Variants in MOK observed in about 807,000 individuals in gnomAD.
The protein encoded by MOK is MOK protein kinase.
In MOK, 59 loss-of-function variants were observed where a neutral mutation model predicts 54.2. That is an observed-to-expected ratio of 1.09 (90% CI 0.88 to 1.35). The LOEUF is 1.35. MOK is among the 40% of genes most tolerant of loss of function. The probability of loss-of-function intolerance (pLI) is 0.00; values close to 1 mark genes in which losing one functional copy is unlikely to be tolerated. For missense variants in MOK, 517 were observed against 526.2 expected (o/e 0.98, Z 0.17); for synonymous variants, 210 against 202.7 (o/e 1.04, Z -0.31).
chr14:102,262,710 T>C (rs2067577580), intron 4 of MOK, among the ~76,000 whole-genome samples: 1 of 152,240 alleles, frequency 6.6e-6, no homozygotes, highest in Non-Finnish European at 1.5e-5. Context: ...CATCTTCAGT[T>C]TGGCTCAAAT....
At chr14:102,286,356 T>C (rs2070095510) in intron 1 of MOK, among the ~76,000 whole-genome samples, 1 of 138,490 alleles carries the variant, frequency 7.2e-6, no homozygotes, top group Non-Finnish European at 1.5e-5. Flanking sequence ...GCGCAGTGGC[T>C]CACGCCTGTA....
chr14:102,294,973 C>G (rs1388908043), intron 1 of MOK, among the ~76,000 whole-genome samples: 1 of 152,084 alleles, frequency 6.6e-6, no homozygotes, highest in Non-Finnish European at 1.5e-5. Context: ...GGGTATAAAA[C>G]AAGGATAAGA....
chr14:102,293,080 C>A (rs1007822620), intron 1 of MOK, among the ~76,000 whole-genome samples: 3 of 152,134 alleles, frequency 2.0e-5, no homozygotes, highest in African/African-American at 7.2e-5. Context: ...TTGCAGTGAG[C>A]GGAGATTGTG....
rs964849571 is a variant in MOK, at chr14:102,242,026, C to T, written c.591-8237G>A. 4.3e-4 allele frequency among the ~76,000 whole-genome samples: 66 copies of T among 152,350 alleles called. No homozygotes were observed. In the Middle Eastern group the frequency reaches 0.014, roughly 31 times the overall value. ...CTGTCCAACTCGCCCAGCAGCCACTCCCAGAGTCCCTGGAACTCTGGCCCA... is the reference window on the plus strand; with the variant it reads ...CTGTCCAACTCGCCCAGCAGCCACTTCCAGAGTCCCTGGAACTCTGGCCCA... On this transcript the variant is annotated intron_variant, in intron 7 of 11. Coordinates refer to ENST00000361847, the MANE Select transcript of MOK (RefSeq NM_014226.3).
chr14:102,223,023 CGGCTCACTCTGCGGCGCCGTGCT>C, downstream of MOK: 1 of 984,658 alleles, frequency 1.0e-6, no homozygotes, highest in East Asian at 2.6e-5. Context: ...GGACGGTGAC[CGGCTCACTCTGCGGCGCCGTGCT>C]CCCGCTGCTC....
rs1025137174 is a variant in MOK at position 102,232,287 on chromosome 14, A to G, written c.866+248T>C. The G allele has an allele frequency of 1.3e-5, 6 of 449,132 alleles. No individual in the cohort carries two copies. The highest frequency in any genetic ancestry group is 4.0e-5 in the African/African-American group (2 of 50,440). 27.8% of individuals were successfully genotyped at this position (449,132 alleles called of 1,614,324 possible). On this transcript the variant is annotated intron_variant, in intron 9 of 11. Coordinates refer to ENST00000361847, the MANE Select transcript of MOK (RefSeq NM_014226.3). The surrounding 1 kb of genome is among the most constrained non-coding windows in gnomAD (Gnocchi z 5.1). The stretch of plus-strand genomic sequence containing the variant: ...ATTACTACCTGTAGCCTTGGCATCA[A>G]CCGCAAAGTGGACAGCCAGCCCCTC...
chr14:102,250,608 C>T (rs1024995910), intron 7 of MOK, among the ~76,000 whole-genome samples: 3 of 152,186 alleles, frequency 2.0e-5, no homozygotes, highest in Non-Finnish European at 4.4e-5. Context: ...AGGGCTGGTG[C>T]TCTTCTCTGG....
intron 1 of MOK, among the ~76,000 whole-genome samples, chr14:102,285,082 CAAAAAAAAA>C (rs34015643): frequency 1.5e-5 from 1 of 65,980 alleles, no homozygotes; most frequent in Non-Finnish European, 3.4e-5. Flanking sequence ...GATGTCATCT[CAAAAAAAAA>C]AAAAAAAAAG....
intron 2 of MOK, among the ~76,000 whole-genome samples, chr14:102,269,462 C>T (rs1034705528): frequency 2.7e-5 from 4 of 148,754 alleles, no homozygotes; most frequent in African/African-American, 9.9e-5. Context: ...TGAGCCACCA[C>T]AACCAGCTTT....
downstream of MOK, chr14:102,223,251 G>A (rs1337145966): frequency 1.3e-5 from 2 of 154,432 alleles, no homozygotes; most frequent in Admixed American, 1.3e-4. Flanking sequence ...CTGTTATAGT[G>A]CTTCACTGTT....
At chr14:102,224,358 A>C (rs1597199851), downstream of MOK, 1 of 345,748 alleles carries the variant, frequency 2.9e-6, no homozygotes, top group East Asian at 7.8e-5. Flanking sequence ...GATTTTTCTT[A>C]CTTGGTTGAA....
intron 7 of MOK, among the ~76,000 whole-genome samples, chr14:102,241,443 G>GA (rs1304446865): frequency 1.3e-5 from 2 of 152,206 alleles, no homozygotes; most frequent in African/African-American, 4.8e-5. Flanking sequence ...GAGGTGGCTG[G>GA]AGCCGAAGGC....
At chr14:102,224,143 G>C (rs35051837), downstream of MOK, among the ~76,000 whole-genome samples, 1 of 148,750 alleles carries the variant, frequency 6.7e-6, no homozygotes, top group Non-Finnish European at 1.5e-5. Context: ...CCGGGTTCAC[G>C]CCATTCTCCC....
chr14:102,282,183 G>C (rs1325121030), intron 2 of MOK, among the ~76,000 whole-genome samples: 1 of 152,058 alleles, frequency 6.6e-6, no homozygotes, highest in African/African-American at 2.4e-5. Flanking sequence ...GAGGCAGAAG[G>C]ATCACTTGAG....
intron 7 of MOK, among the ~76,000 whole-genome samples, chr14:102,246,511 A>G (rs531870119): frequency 4.0e-5 from 6 of 151,150 alleles, no homozygotes; most frequent in Admixed American, 1.3e-4. Context: ...TTACTAAAAA[A>G]CTCCAATTCC....
At chr14:102,254,009 A>G (rs1257574431) in intron 4 of MOK, among the ~76,000 whole-genome samples, 2 of 151,346 alleles carry the variant, frequency 1.3e-5, no homozygotes, top group Non-Finnish European at 2.9e-5. Context: ...TTTTGGGACG[A>G]AGTGTAGCAC....
downstream of MOK, among the ~76,000 whole-genome samples, chr14:102,224,019 TCA>T (rs2064144823): frequency 6.6e-6 from 1 of 151,204 alleles, no homozygotes; most frequent in South Asian, 2.1e-4. Flanking sequence ...AACTAGCTAA[TCA>T]CACTGTTTAC....
chr14:102,274,118 C>G (rs539963818), intron 2 of MOK, among the ~76,000 whole-genome samples: 1 of 151,766 alleles, frequency 6.6e-6, no homozygotes, highest in Non-Finnish European at 1.5e-5. Context: ...CCACCACACC[C>G]GGCTAATTTT....
intron 2 of MOK, among the ~76,000 whole-genome samples, chr14:102,268,556 A>C (rs61992536): frequency 6.6e-6 from 1 of 152,176 alleles, no homozygotes; most frequent in Non-Finnish European, 1.5e-5. Context: ...ACCAGATGAC[A>C]TTTACCATAA....
Sources: allele counts gnomAD v4.1 joint callset (sites outside exome capture counted in the v4.1 genomes callset), GRCh38; gene constraint gnomAD v4.1.1; non-coding constraint Gnocchi (gnomAD v3.1); transcripts MANE v1.5; gene names NCBI Gene and HGNC (gene_info 2026-07-23, HGNC 2026-07-21).